CDH13: variants seen among roughly 807,000 people sequenced by gnomAD.
CDH13 encodes the protein cadherin-13.
Under a neutral mutation model 63.8 loss-of-function variants are expected in CDH13, and 24 were observed. The observed-to-expected ratio is 0.38, with a 90% CI of 0.27 to 0.53. CDH13 has a LOEUF of 0.53. Among genes scored for constraint, CDH13 ranks in the 20% least tolerant of loss-of-function variants. CDH13 has a pLI of 0.85. For synonymous variants in CDH13, 503 were observed against 355.3 expected (o/e 1.42, Z -4.67); for missense variants, 1,049 against 903.1 (o/e 1.16, Z -2.07).
intron 6 of CDH13, among the ~76,000 whole-genome samples, chr16:83,381,960 C>T (rs2091575613): frequency 6.6e-6 from 1 of 152,194 alleles, no homozygotes; most frequent in African/African-American, 2.4e-5. Context: ...TTACCGAGGG[C>T]CTAGTTCATC....
At chr16:83,024,004 G>C (rs1048402016) in intron 2 of CDH13, among the ~76,000 whole-genome samples, 12 of 152,084 alleles carry the variant, frequency 7.9e-5, no homozygotes, top group African/African-American at 2.7e-4. Flanking sequence ...TAGAATTTCT[G>C]TTTTTATCAA....
At chr16:83,792,472 G>C (rs965878078) in intron 13 of CDH13, among the ~76,000 whole-genome samples, 2 of 152,234 alleles carry the variant, frequency 1.3e-5, no homozygotes, top group African/African-American at 4.8e-5. Flanking sequence ...TCTTGTTGTT[G>C]TTGTTGTTCT....
chr16:83,721,591 G>C (rs936796172), intron 10 of CDH13: 4 of 152,238 alleles, frequency 2.6e-5, no homozygotes, highest in Admixed American at 6.5e-5. Context: ...CTTTGTGGCT[G>C]TCTGGTCGTT....
chr16:82,979,205 C>CTGG (rs1265109539), intron 2 of CDH13, among the ~76,000 whole-genome samples: 1 of 152,210 alleles, frequency 6.6e-6, no homozygotes, highest in African/African-American at 2.4e-5. Flanking sequence ...AAGTATCTAA[C>CTGG]TGGCTTTGGA....
chr16:83,605,252 C>T (rs1233876537), intron 8 of CDH13, among the ~76,000 whole-genome samples: 1 of 152,172 alleles, frequency 6.6e-6, no homozygotes, highest in African/African-American at 2.4e-5. Flanking sequence ...GAAGTGATAA[C>T]AAGTACACTA....
chr16:83,467,480 C>T (rs189820421), intron 6 of CDH13, among the ~76,000 whole-genome samples: 2 of 152,156 alleles, frequency 1.3e-5, no homozygotes, highest in African/African-American at 2.4e-5. Flanking sequence ...TAGGAGCTGG[C>T]GCCTTACAGC....
intron 1 of CDH13, among the ~76,000 whole-genome samples, chr16:82,828,969 A>G (rs1433242461): frequency 6.6e-6 from 1 of 152,142 alleles, no homozygotes; most frequent in Non-Finnish European, 1.5e-5. Flanking sequence ...TAGACCAGAG[A>G]CTTCCACAGT....
chr16:82,686,472 G>A (rs1915081120), intron 1 of CDH13, among the ~76,000 whole-genome samples: 1 of 152,180 alleles, frequency 6.6e-6, no homozygotes. Flanking sequence ...AGGAACTAAA[G>A]AATGCAGGCT....
intron 8 of CDH13, among the ~76,000 whole-genome samples, chr16:83,606,204 G>A (rs1339868756): frequency 1.3e-5 from 2 of 152,184 alleles, no homozygotes; most frequent in East Asian, 3.9e-4. Context: ...CTAAGGAGAT[G>A]TTGTCCTAAG....
At chr16:83,492,147 C>T (rs1034230336) in intron 7 of CDH13, among the ~76,000 whole-genome samples, 2 of 152,048 alleles carry the variant, frequency 1.3e-5, no homozygotes, top group South Asian at 4.1e-4. Flanking sequence ...TCTCCAGAAA[C>T]ATACTAAAGA....
rs191443408 is a variant in CDH13, at chr16:83,040,286, T to C, written c.366+8068T>C. ...AAAGACACAGAACTAATGTGATAGA[T>C]GAATATATGAAGGGGAGTTTATTAG... On this transcript the variant is annotated intron_variant, in intron 3 of 13. Coordinates refer to ENST00000567109, the MANE Select transcript of CDH13 (RefSeq NM_001257.5). 3.9e-5 allele frequency among the ~76,000 whole-genome samples: 6 copies of C among 152,164 alleles called. No individual in the cohort carries two copies. The East Asian group carries it at 1.2e-3, about 30-fold the overall frequency.
intron 1 of CDH13, among the ~76,000 whole-genome samples, chr16:82,810,458 G>T (rs1294022916): frequency 6.6e-6 from 1 of 152,144 alleles, no homozygotes; most frequent in Admixed American, 6.5e-5. Flanking sequence ...TTCTCATTTT[G>T]AGAGGATCTC....
chr16:83,301,590 T>A (rs1340573640), intron 5 of CDH13, among the ~76,000 whole-genome samples: 3 of 152,260 alleles, frequency 2.0e-5, no homozygotes, highest in Middle Eastern at 3.4e-3. Context: ...ACAGACTATC[T>A]TCTCGGATGT....
chr16:83,517,919 C>G (rs545053680), intron 7 of CDH13, among the ~76,000 whole-genome samples: 7 of 152,060 alleles, frequency 4.6e-5, no homozygotes, highest in Non-Finnish European at 7.4e-5. Flanking sequence ...ATATTATTAT[C>G]GTTCTCATTT....
chr16:83,025,201 G>A (rs1397318794), intron 2 of CDH13, among the ~76,000 whole-genome samples: 4 of 152,180 alleles, frequency 2.6e-5, no homozygotes, highest in Admixed American at 1.3e-4. Context: ...GTTTACACAT[G>A]CCATAAGGAT....
At chr16:83,523,407 T>C (rs953081856) in intron 7 of CDH13, among the ~76,000 whole-genome samples, 1 of 152,210 alleles carries the variant, frequency 6.6e-6, no homozygotes, top group African/African-American at 2.4e-5. Context: ...TGATAGCTTT[T>C]TTAGATTTTT....
intron 1 of CDH13, among the ~76,000 whole-genome samples, chr16:82,713,418 T>A (rs1284362047): frequency 6.6e-6 from 1 of 152,094 alleles, no homozygotes; most frequent in African/African-American, 2.4e-5. Context: ...TCTGTGTCCT[T>A]GAGGGGCTGG....
chr16:82,693,409 C>G (rs1915821745), intron 1 of CDH13, among the ~76,000 whole-genome samples: 2 of 151,662 alleles, frequency 1.3e-5, no homozygotes, highest in Non-Finnish European at 2.9e-5. Flanking sequence ...CAGGACATAT[C>G]TGTGCACCTC....
At chr16:83,138,030 A>G (rs1012368601) in intron 4 of CDH13, among the ~76,000 whole-genome samples, 7 of 152,056 alleles carry the variant, frequency 4.6e-5, no homozygotes, top group African/African-American at 1.7e-4. Flanking sequence ...CGCTTGGCCC[A>G]CTTCTGCAAC....
Sources: allele counts gnomAD v4.1 joint callset (sites outside exome capture counted in the v4.1 genomes callset), GRCh38; gene constraint gnomAD v4.1.1; transcripts MANE v1.5; gene names NCBI Gene and HGNC (gene_info 2026-07-23, HGNC 2026-07-21).